ZMAT4: variants seen among roughly 807,000 people sequenced by gnomAD.
ZMAT4 encodes zinc finger matrin-type protein 4.
A neutral mutation model predicts 28.7 loss-of-function variants in ZMAT4; 17 were observed. The ratio of observed to expected loss-of-function variants is 0.59; its 90% CI spans 0.41 to 0.89. The LOEUF (loss-of-function observed/expected upper bound fraction) is 0.89. ZMAT4 is among the 40% of genes least tolerant of loss of function. The probability of loss-of-function intolerance (pLI) is 0.00; values close to 1 mark genes in which losing one functional copy is unlikely to be tolerated. For synonymous variants in ZMAT4, 117 were observed against 109.2 expected, an observed-to-expected ratio of 1.07 and a Z score of -0.44; for missense variants, 240 against 283.8, an observed-to-expected ratio of 0.85 and a Z score of 1.11.
intron 5 of ZMAT4, among the ~76,000 whole-genome samples, chr8:40,621,196 G>T (rs1033461652): frequency 1.6e-4 from 25 of 152,146 alleles, no homozygotes; most frequent in African/African-American, 5.8e-4. Flanking sequence ...GTTACTTAGT[G>T]CCAGACACAG....
chr8:40,688,067 G>A (rs4236930), intron 4 of ZMAT4, among the ~76,000 whole-genome samples: 150,155 of 152,260 alleles, frequency 0.99, 74,067 homozygotes, highest in East Asian at 1. Flanking sequence ...TACCACGACC[G>A]AGACAAACTG....
intron 1 of ZMAT4, among the ~76,000 whole-genome samples, chr8:40,846,719 A>G (rs1816913245): frequency 6.6e-6 from 1 of 152,184 alleles, no homozygotes; most frequent in African/African-American, 2.4e-5. Flanking sequence ...GGGACTTGGC[A>G]GGGCAGACCC....
chr8:40,830,985 G>T (rs890525689), intron 1 of ZMAT4, among the ~76,000 whole-genome samples: 3 of 152,064 alleles, frequency 2.0e-5, no homozygotes, highest in Non-Finnish European at 2.9e-5. Context: ...CACGCAAAAA[G>T]GGGATATTAC....
chr8:40,740,549 A>G (rs1811958162), intron 3 of ZMAT4, among the ~76,000 whole-genome samples: 1 of 152,246 alleles, frequency 6.6e-6, no homozygotes, highest in Non-Finnish European at 1.5e-5. Context: ...GATATCTTCA[A>G]CAACAGTAAT....
At chr8:40,665,315 A>G (rs1461463182) in intron 5 of ZMAT4, among the ~76,000 whole-genome samples, 1 of 152,198 alleles carries the variant, frequency 6.6e-6, no homozygotes, top group Non-Finnish European at 1.5e-5. Context: ...TCTGTCGCAC[A>G]TACTACTTTC....
chr8:40,769,940 T>C (rs1433367769), intron 2 of ZMAT4, among the ~76,000 whole-genome samples: 1 of 152,192 alleles, frequency 6.6e-6, no homozygotes, highest in African/African-American at 2.4e-5. Context: ...CAAGCTCTGA[T>C]ATGAAGCCAT....
intron 2 of ZMAT4, among the ~76,000 whole-genome samples, chr8:40,781,761 C>CAAA (rs59432510): frequency 1.3e-3 from 50 of 38,524 alleles, no homozygotes; most frequent in Admixed American, 2.1e-3. Flanking sequence ...GACTCCGTCT[C>CAAA]AAAAAAAAAA....
chr8:40,671,870 A>G (rs1808684716), intron 5 of ZMAT4, among the ~76,000 whole-genome samples: 1 of 152,222 alleles, frequency 6.6e-6, no homozygotes, highest in Non-Finnish European at 1.5e-5. Context: ...TTAAATCAGA[A>G]TCCTTCTAGA....
chr8:40,784,744 C>A (rs1033892044), intron 2 of ZMAT4, among the ~76,000 whole-genome samples: 2 of 152,168 alleles, frequency 1.3e-5, no homozygotes, highest in East Asian at 3.9e-4. Flanking sequence ...TACCCCTGCT[C>A]CCGGGGTTTG....
chr8:40,758,537 C>T (rs1812789864), intron 3 of ZMAT4, among the ~76,000 whole-genome samples: 3 of 152,138 alleles, frequency 2.0e-5, no homozygotes, highest in Non-Finnish European at 4.4e-5. Context: ...CATTCCTTCC[C>T]TGAATATAGA....
chr8:40,710,957 T>G (rs140256742), intron 3 of ZMAT4, among the ~76,000 whole-genome samples: 7,869 of 152,090 alleles, frequency 0.052, 303 homozygotes, highest in Non-Finnish European at 0.081. Flanking sequence ...AATTTTTTTT[T>G]GTATTTTTAG....
chr8:40,749,861 T>C (rs759171381), intron 3 of ZMAT4, among the ~76,000 whole-genome samples: 6 of 152,214 alleles, frequency 3.9e-5, no homozygotes, highest in Non-Finnish European at 8.8e-5. Context: ...GCCCCTTCCT[T>C]AGATCATTTG....
chr8:40,679,742 G>A (rs1036940381), intron 4 of ZMAT4, among the ~76,000 whole-genome samples: 3 of 152,140 alleles, frequency 2.0e-5, no homozygotes, highest in Non-Finnish European at 4.4e-5. Flanking sequence ...GTCTCTATCA[G>A]AAAATTTCCT....
intron 6 of ZMAT4, among the ~76,000 whole-genome samples, chr8:40,578,037 A>G (rs1324914346): frequency 6.6e-6 from 1 of 152,124 alleles, no homozygotes; most frequent in Non-Finnish European, 1.5e-5. Flanking sequence ...CTGATTTTAA[A>G]AATTATAGGG....
chr8:40,773,307 C>CGAGG (rs1344314175), intron 2 of ZMAT4, among the ~76,000 whole-genome samples: 2 of 152,132 alleles, frequency 1.3e-5, no homozygotes, highest in African/African-American at 2.4e-5. Flanking sequence ...TGGAAGACCC[C>CGAGG]GAGGTGCCAG....
At chr8:40,573,586 A>G (rs1265710840) in intron 6 of ZMAT4, among the ~76,000 whole-genome samples, 1 of 152,182 alleles carries the variant, frequency 6.6e-6, no homozygotes, top group African/African-American at 2.4e-5. Context: ...CTATTTACAT[A>G]TAAGGCCATA....
intron 1 of ZMAT4, among the ~76,000 whole-genome samples, chr8:40,891,820 C>T (rs182159897): frequency 1.6e-4 from 25 of 152,332 alleles, no homozygotes; most frequent in African/African-American, 5.1e-4. Flanking sequence ...CTGAGCTGTC[C>T]TCTTGATGCC....
At chr8:40,617,306 A>G (rs1167605216) in intron 5 of ZMAT4, among the ~76,000 whole-genome samples, 1 of 152,228 alleles carries the variant, frequency 6.6e-6, no homozygotes, top group Non-Finnish European at 1.5e-5. Context: ...TCTTAAAAAT[A>G]CACATTTCGG....
rs2150598469 is a variant in ZMAT4 at position 40,813,321 on chromosome 8, T to C, written c.102+12254A>G. 2.0e-5 allele frequency among the ~76,000 whole-genome samples: 3 copies of C among 152,206 alleles called. No homozygotes were observed. The South Asian group carries it at 6.2e-4, about 32-fold the overall frequency. ...AGAAAAGGGGTAAAAACAAAGAAGA[T>C]CCCCAACCTCATGTTACAGAAGAAG... On this transcript the variant is annotated intron_variant, in intron 2 of 6. Transcript: ENST00000297737.
Sources: allele counts gnomAD v4.1 joint callset (sites outside exome capture counted in the v4.1 genomes callset), GRCh38; gene constraint gnomAD v4.1.1; transcripts MANE v1.5; gene names NCBI Gene and HGNC (gene_info 2026-07-23, HGNC 2026-07-21).